SLC20A2: variants seen among roughly 807,000 people sequenced by gnomAD.
The protein encoded by SLC20A2 is sodium-dependent phosphate transporter 2.
A neutral mutation model predicts 61.0 loss-of-function variants in SLC20A2; 30 were observed. The ratio of observed to expected loss-of-function variants is 0.49; its 90% CI spans 0.37 to 0.67. SLC20A2 has a LOEUF of 0.67. SLC20A2 is among the 30% of genes least tolerant of loss of function. The pLI is 0.00. For missense variants in SLC20A2, 626 were observed against 866.4 expected (o/e 0.72, Z 3.48); for synonymous variants, 351 against 353.3 (o/e 0.99, Z 0.07).
At chr8:42,448,464 A>G (rs765245799) in intron 5 of SLC20A2, among the ~76,000 whole-genome samples, 3 of 152,180 alleles carry the variant, frequency 2.0e-5, no homozygotes, top group Non-Finnish European at 2.9e-5. Flanking sequence ...GCAGGGTCAC[A>G]TGGGGTCCCA....
intron 2 of SLC20A2, 99 bp downstream of exon 2, chr8:42,471,996 TTTGAAAA>T: frequency 9.9e-7 from 1 of 1,011,824 alleles, no homozygotes. Context: ...CCAACCAGTT[TTTGAAAA>T]GCCAAAGCAA....
chr8:42,531,951 T>TG (rs973186582), intron 1 of SLC20A2, among the ~76,000 whole-genome samples: 2 of 151,704 alleles, frequency 1.3e-5, no homozygotes, highest in Admixed American at 6.6e-5. Context: ...CCCGAGTAGC[T>TG]GGGACTACAG....
chr8:42,485,264 G>A (rs1002454540), intron 1 of SLC20A2, among the ~76,000 whole-genome samples: 11 of 152,018 alleles, frequency 7.2e-5, no homozygotes, highest in Non-Finnish European at 1.6e-4. Context: ...GACACAATGC[G>A]TACAAATAAA....
intron 10 of SLC20A2, among the ~76,000 whole-genome samples, chr8:42,426,089 A>G (rs937230696): frequency 5.3e-5 from 8 of 152,162 alleles, no homozygotes; most frequent in Non-Finnish European, 1.0e-4. Flanking sequence ...TAATGATAAC[A>G]TATACATCTA....
At chr8:42,460,502 C>T (rs1195447556) in intron 4 of SLC20A2, among the ~76,000 whole-genome samples, 1 of 152,200 alleles carries the variant, frequency 6.6e-6, no homozygotes, top group Non-Finnish European at 1.5e-5. Context: ...CTCTATTACA[C>T]AATGCATCTT....
At chr8:42,466,997 G>A (rs1807223963) in intron 2 of SLC20A2, among the ~76,000 whole-genome samples, 1 of 152,146 alleles carries the variant, frequency 6.6e-6, no homozygotes, top group African/African-American at 2.4e-5. Context: ...TGCAGAGACG[G>A]GGGTCTTGCT....
chr8:42,477,703 C>T (rs563162997), intron 1 of SLC20A2, among the ~76,000 whole-genome samples: 2 of 151,848 alleles, frequency 1.3e-5, no homozygotes, highest in East Asian at 3.9e-4. Context: ...GAACTCCTGA[C>T]CTTGTGAACT....
At position 42,417,537 on chromosome 8, in the gene SLC20A2, A is replaced by AC. The variant is rs1307796812; in HGVS notation, c.*265_*266insG. On this transcript the variant is annotated 3_prime_UTR_variant, in exon 11 of 11. Transcript: ENST00000520262. ...ATTCTATGGATACAATAGATATTTA[A>AC]TATATAAGTAACTGCACCACATTAT... The AC allele has an allele frequency of 3.8e-6, 1 of 262,398 alleles. No homozygotes were observed. Among genetic ancestry groups the AC allele is most frequent in the Admixed American group, 4.5e-5 (1 of 22,088 alleles). The allele number at this position is 262,398 out of a possible 1,614,324, so 16.3% of individuals were successfully genotyped here. A position where few individuals can be genotyped will look rare whatever the true frequency, so the allele number is the denominator to read the frequency against.
intron 1 of SLC20A2, among the ~76,000 whole-genome samples, chr8:42,492,712 G>A (rs894888460): frequency 5.5e-4 from 83 of 150,586 alleles, no homozygotes; most frequent in Non-Finnish European, 7.8e-4. Flanking sequence ...TTTTTGAGAC[G>A]GAGTTTCGCT....
At chr8:42,521,629 A>T (rs1451634584) in intron 1 of SLC20A2, among the ~76,000 whole-genome samples, 2 of 120,246 alleles carry the variant, frequency 1.7e-5, no homozygotes, top group African/African-American at 5.1e-5. Flanking sequence ...AGCTGGGACT[A>T]CAGATGCATG....
intron 1 of SLC20A2, among the ~76,000 whole-genome samples, chr8:42,487,176 C>CTTTTT (rs553949254): frequency 1.0e-5 from 1 of 98,076 alleles, no homozygotes; most frequent in Non-Finnish European, 2.0e-5. Context: ...TGGTTTCTTT[C>CTTTTT]TTTTTTTTTT....
At chr8:42,505,502 C>T (rs544833051), upstream of SLC20A2, among the ~76,000 whole-genome samples, 3 of 152,250 alleles carry the variant, frequency 2.0e-5, no homozygotes, top group South Asian at 6.2e-4. Flanking sequence ...ACTCAAGATT[C>T]TGCATTTTAG....
At chr8:42,464,032 C>T (rs1806916149) in intron 3 of SLC20A2, among the ~76,000 whole-genome samples, 1 of 145,652 alleles carries the variant, frequency 6.9e-6, no homozygotes, top group East Asian at 2.1e-4. Context: ...GCCAGGCAGG[C>T]TTACAAGGTA....
chr8:42,534,440 T>C (rs1812580999), intron 1 of SLC20A2, among the ~76,000 whole-genome samples: 1 of 152,082 alleles, frequency 6.6e-6, no homozygotes, highest in South Asian at 2.1e-4. Context: ...AAACTGAAAA[T>C]AGAACATAGA....
rs560271956 is a variant in SLC20A2, at chr8:42,495,922, G to T, written c.-265+5109C>A. Reference sequence around the variant, plus strand: ...GCGCCACCACGCCCGGCTAATTTTTGTATTTTTGGTAGAGAGGGGGTTTCA... The same window carrying T: ...GCGCCACCACGCCCGGCTAATTTTTTTATTTTTGGTAGAGAGGGGGTTTCA... On this transcript the variant is annotated intron_variant, in intron 1 of 10. Transcript: ENST00000520262. Among the ~76,000 whole-genome samples the T allele has an allele frequency of 6.6e-5, 10 of 151,938 alleles. No individual in the cohort carries two copies. The East Asian group carries it at 1.7e-3, about 26-fold the overall frequency.
At chr8:42,506,603 T>C (rs3935700) in intron 1 of SLC20A2, among the ~76,000 whole-genome samples, 78,207 of 152,046 alleles carry the variant, frequency 0.51, 20,178 homozygotes, top group Admixed American at 0.57. Flanking sequence ...TTGAAAGGAA[T>C]TTCAAATGGT....
intron 5 of SLC20A2, among the ~76,000 whole-genome samples, chr8:42,459,413 C>T (rs574862272): frequency 6.6e-6 from 1 of 152,216 alleles, no homozygotes; most frequent in African/African-American, 2.4e-5. Context: ...GTACTCTGTG[C>T]TGTGAACGGC....
At chr8:42,483,472 C>T (rs554565972) in intron 1 of SLC20A2, among the ~76,000 whole-genome samples, 2 of 152,206 alleles carry the variant, frequency 1.3e-5, no homozygotes, top group Non-Finnish European at 2.9e-5. Flanking sequence ...GAAATGTGGA[C>T]TCCCCAGCAG....
intron 5 of SLC20A2, among the ~76,000 whole-genome samples, chr8:42,455,223 TAAAAAA>T (rs1167685475): frequency 1.1e-3 from 56 of 49,842 alleles, no homozygotes; most frequent in African/African-American, 5.0e-3. Context: ...AGACTCCGTC[TAAAAAA>T]AAAAAAAAAA....
Sources: allele counts gnomAD v4.1 joint callset (sites outside exome capture counted in the v4.1 genomes callset), GRCh38; gene constraint gnomAD v4.1.1; transcripts MANE v1.5; gene names NCBI Gene and HGNC (gene_info 2026-07-23, HGNC 2026-07-21).